The following PTCD2 variants were observed in gnomAD, a reference collection of about 807,000 sequenced individuals.
The protein encoded by PTCD2 is pentatricopeptide repeat-containing protein 2, mitochondrial.
In PTCD2, 31 loss-of-function variants were observed where a neutral mutation model predicts 42.6. That is an observed-to-expected ratio of 0.73 (90% CI 0.55 to 0.98). The LOEUF is 0.98. PTCD2 is among the 50% of genes least tolerant of loss of function. PTCD2 has a pLI of 0.00. For synonymous variants in PTCD2, 183 were observed against 170.9 expected (o/e 1.07, Z -0.55); for missense variants, 476 against 454.8 (o/e 1.05, Z -0.42).
chr5:72,356,942 A>G (rs1008038928), intron 9 of PTCD2, among the ~76,000 whole-genome samples: 1 of 152,220 alleles, frequency 6.6e-6, no homozygotes, highest in African/African-American at 2.4e-5. Context: ...AAATTCCATC[A>G]AGAAATGTGT....
At chr5:72,343,558 A>G (rs561801428) in intron 8 of PTCD2, among the ~76,000 whole-genome samples, 7 of 152,304 alleles carry the variant, frequency 4.6e-5, no homozygotes, top group African/African-American at 1.7e-4. Context: ...CAGTATGCCC[A>G]TGGTCCTCTT....
rs1432080297 is a variant in PTCD2, at chr5:72,364,804, G to T, written c.*6377G>T. ...CAGTGCATTCATGTACTGGACCAGGGCCCCTGTATCTTGCAGTAATGTATC... is the reference window on the plus strand; with the variant it reads ...CAGTGCATTCATGTACTGGACCAGGTCCCCTGTATCTTGCAGTAATGTATC... On this transcript the variant is annotated 3_prime_UTR_variant, in exon 10 of 10. Coordinates refer to ENST00000380639, the MANE Select transcript of PTCD2 (RefSeq NM_024754.5). 6.6e-6 allele frequency: 1 copy of T among 152,172 alleles called. No individual in the cohort carries two copies. Among genetic ancestry groups the T allele is most frequent in the Non-Finnish European group, 1.5e-5 (1 of 68,044 alleles). The allele number at this position is 152,172 out of a possible 1,614,324, so 9.4% of individuals were successfully genotyped here.
rs1346152123 is a variant in PTCD2, at chr5:72,366,583, T to G, written c.*8156T>G. 2 of 152,318 alleles carry G rather than the reference T, an allele frequency of 1.3e-5. No homozygotes were observed. The highest frequency in any genetic ancestry group is 3.9e-4 in the East Asian group (2 of 5,182). 9.4% of individuals were successfully genotyped at this position (152,318 alleles called of 1,614,324 possible). A position where few individuals can be genotyped will look rare whatever the true frequency, so the allele number is the denominator to read the frequency against. On this transcript the variant is annotated 3_prime_UTR_variant, in exon 10 of 10. Coordinates refer to ENST00000380639, the MANE Select transcript of PTCD2 (RefSeq NM_024754.5). ...CAGAGGGCGTCCAGAGTCACTATTT[T>G]TAAAAGGTGCTAGTTTTCAAAAGCA...
At chr5:72,334,978 T>C (rs778268567) in intron 4 of PTCD2, 40 bp from the exon 5 acceptor site, 1 of 1,284,174 alleles carries the variant, frequency 7.8e-7, no homozygotes, top group East Asian at 2.3e-5. Flanking sequence ...CAATAAATAG[T>C]TTTAACTTTT....
chr5:72,324,387 C>T (rs955921801), intron 2 of PTCD2, among the ~76,000 whole-genome samples: 2 of 152,216 alleles, frequency 1.3e-5, no homozygotes, highest in Non-Finnish European at 1.5e-5. Context: ...GGCATCCTGG[C>T]TCTCCCGTGA....
In PTCD2 at chr5:72,366,416, G is replaced by T. The variant is rs1217706543; in HGVS notation, c.*7989G>T. On this transcript the variant is annotated 3_prime_UTR_variant, in exon 10 of 10. Coordinates refer to ENST00000380639, the MANE Select transcript of PTCD2 (RefSeq NM_024754.5). ...AGAGCACAGTATTTGAACCCAGGAG[G>T]TCTGATGCTGGAGGTCATGTTTTTA... 3.9e-5 allele frequency: 6 copies of T among 152,176 alleles called. No individual in the cohort carries two copies. The highest frequency in any genetic ancestry group is 1.4e-4 in the African/African-American group (6 of 41,420). The allele number at this position is 152,176 out of a possible 1,614,324, so 9.4% of individuals were successfully genotyped here. A position where few individuals can be genotyped will look rare whatever the true frequency, so the allele number is the denominator to read the frequency against.
At position 72,325,862 on chromosome 5, in the gene PTCD2, C is replaced by G. The variant is rs16877553; in HGVS notation, c.221-750C>G. On this transcript the variant is annotated intron_variant, in intron 2 of 9. Coordinates refer to ENST00000380639, the MANE Select transcript of PTCD2 (RefSeq NM_024754.5). ...ACCCCGCATTTTGGTGGGAATAAAG[C>G]CCCTTATTGATGACAAGAAGAGGTG... Among the ~76,000 whole-genome samples, 1,456 of 152,268 alleles carry G rather than the reference C, an allele frequency of 9.6e-3. 37 individuals carry two copies. The highest frequency in any genetic ancestry group is 0.032 in the African/African-American group (1,328 of 41,562).
intron 3 of PTCD2, among the ~76,000 whole-genome samples, chr5:72,330,095 G>T (rs1018949406): frequency 4.6e-5 from 7 of 151,522 alleles, no homozygotes; most frequent in Non-Finnish European, 1.0e-4. Flanking sequence ...ACCACGCCCG[G>T]CTAATTTTTT....
chr5:72,348,266 G>T (rs1752457885), intron 8 of PTCD2, among the ~76,000 whole-genome samples: 1 of 152,140 alleles, frequency 6.6e-6, no homozygotes, highest in Non-Finnish European at 1.5e-5. Context: ...ATCCTTAAAG[G>T]CAGCTTATTA....
At chr5:72,337,780 G>A (rs1056086511) in intron 6 of PTCD2, among the ~76,000 whole-genome samples, 7 of 152,108 alleles carry the variant, frequency 4.6e-5, no homozygotes, top group Admixed American at 2.6e-4. Flanking sequence ...GCAACAGAGC[G>A]AGACTCTGTC....
rs1753008421 is a variant in PTCD2, at chr5:72,358,688, A to T, written c.*261A>T. On this transcript the variant is annotated 3_prime_UTR_variant, in exon 10 of 10. Transcript: ENST00000380639. The stretch of plus-strand genomic sequence containing the variant: ...TGAGGATCCTTGAAGGAACCTGGTC[A>T]GTCTCCGGTTCAGCTTCCGACACCA... 2.0e-6 allele frequency: 1 copy of T among 495,392 alleles called. No individual in the cohort carries two copies. Among genetic ancestry groups the T allele is most frequent in the African/African-American group, 1.9e-5 (1 of 51,922 alleles). The allele number at this position is 495,392 out of a possible 1,614,324, so 30.7% of individuals were successfully genotyped here. A position where few individuals can be genotyped will look rare whatever the true frequency, so the allele number is the denominator to read the frequency against.
chr5:72,337,400 A>G (rs2112170042), intron 6 of PTCD2, among the ~76,000 whole-genome samples: 1 of 152,040 alleles, frequency 6.6e-6, no homozygotes, highest in South Asian at 2.1e-4. Context: ...AAAACACCAC[A>G]CAGCACTAGA....
chr5:72,358,057 C>A (rs1027864973), intron 9 of PTCD2, 146 bp from the exon 10 acceptor site: 82 of 688,326 alleles, frequency 1.2e-4, no homozygotes, highest in Non-Finnish European at 1.8e-4. Flanking sequence ...GTCTCAGCGT[C>A]CAAAATTGCT....
chr5:72,344,372 C>T (rs1333672409), intron 8 of PTCD2, among the ~76,000 whole-genome samples: 1 of 152,062 alleles, frequency 6.6e-6, no homozygotes, highest in African/African-American at 2.4e-5. Flanking sequence ...ATTAGCCAGG[C>T]ATGGTGGCAC....
chr5:72,341,633 G>T (rs1752070521), intron 7 of PTCD2, among the ~76,000 whole-genome samples: 1 of 152,060 alleles, frequency 6.6e-6, no homozygotes. Context: ...AGTCCTTGCT[G>T]CTCAGGAGAC....
rs1753065456 is a variant in PTCD2, at chr5:72,360,399, G to A, written c.*1972G>A. The A allele has an allele frequency of 6.6e-6, 1 of 152,074 alleles. No homozygotes were observed. The highest frequency in any genetic ancestry group is 1.5e-5 in the Non-Finnish European group (1 of 68,038). 9.4% of individuals were successfully genotyped at this position (152,074 alleles called of 1,614,324 possible). A position where few individuals can be genotyped will look rare whatever the true frequency, so the allele number is the denominator to read the frequency against. On this transcript the variant is annotated 3_prime_UTR_variant, in exon 10 of 10. Transcript: ENST00000380639. ...TTCATTAGCGAAATAACCAAATTTTGTGAGCAGTAAATAGCAACAAGCTTC... is the reference window on the plus strand; with the variant it reads ...TTCATTAGCGAAATAACCAAATTTTATGAGCAGTAAATAGCAACAAGCTTC...
At chr5:72,326,778 C>T in intron 3 of PTCD2, 37 bp downstream of exon 3, 1 of 1,601,604 alleles carries the variant, frequency 6.2e-7, no homozygotes, top group Non-Finnish European at 8.5e-7. Context: ...ACCCTTATCC[C>T]TTCTTACTCT....
In PTCD2 at chr5:72,364,466, ATTG is replaced by A. The variant is rs1268507098; in HGVS notation, c.*6042_*6044del. 1 of 152,206 alleles carries A rather than the reference ATTG, an allele frequency of 6.6e-6. No individual in the cohort carries two copies. Among genetic ancestry groups the A allele is most frequent in the Admixed American group, 6.5e-5 (1 of 15,274 alleles). The allele number at this position is 152,206 out of a possible 1,614,324, so 9.4% of individuals were successfully genotyped here. A position where few individuals can be genotyped will look rare whatever the true frequency, so the allele number is the denominator to read the frequency against. ...TAACATGTAAAGTACACTGCCTTGT[ATTG>A]TTACAGATCTTTTTCTCCATATCCG... is the stretch of plus-strand genomic sequence containing the variant. On this transcript the variant is annotated 3_prime_UTR_variant, in exon 10 of 10. Coordinates refer to ENST00000380639, the MANE Select transcript of PTCD2 (RefSeq NM_024754.5).
intron 5 of PTCD2, chr5:72,335,557 A>G: frequency 2.4e-6 from 1 of 418,304 alleles, no homozygotes; most frequent in Non-Finnish European, 4.2e-6. Flanking sequence ...CATCCCTTAA[A>G]CTAAATATCC....
Sources: allele counts gnomAD v4.1 joint callset (sites outside exome capture counted in the v4.1 genomes callset), GRCh38; gene constraint gnomAD v4.1.1; transcripts MANE v1.5; gene names NCBI Gene and HGNC (gene_info 2026-07-23, HGNC 2026-07-21).